Variants in CHST8 observed in about 807,000 individuals in gnomAD.
CHST8 encodes carbohydrate sulfotransferase 8, also known as GALNAC-4-ST1.
In CHST8, 10 loss-of-function variants were observed where a neutral mutation model predicts 15.0. That is an observed-to-expected ratio of 0.67 (90% CI 0.41 to 1.13). CHST8 has a LOEUF of 1.13. Among genes scored for constraint, CHST8 ranks in the 50% most tolerant of loss-of-function variants. The pLI is 0.00. For synonymous variants in CHST8, 259 were observed against 256.6 expected (o/e 1.01, Z -0.09); for missense variants, 634 against 608.2 (o/e 1.04, Z -0.45).
intron 2 of CHST8, among the ~76,000 whole-genome samples, chr19:33,683,652 C>T (rs2145248314): frequency 6.6e-6 from 1 of 152,332 alleles, no homozygotes; most frequent in East Asian, 1.9e-4. Context: ...CCAAACACTT[C>T]CATCTATTAA....
intron 3 of CHST8, among the ~76,000 whole-genome samples, chr19:33,758,731 G>A (rs1974656544): frequency 6.6e-6 from 1 of 152,234 alleles, no homozygotes; most frequent in Non-Finnish European, 1.5e-5. Context: ...TGCCCCTGGA[G>A]GGCCTGTCTC....
chr19:33,679,322 C>T (rs1008551766), intron 2 of CHST8, among the ~76,000 whole-genome samples: 6 of 152,228 alleles, frequency 3.9e-5, no homozygotes, highest in African/African-American at 1.4e-4. Context: ...CTGGCCATGC[C>T]GCATCCTACA....
intron 2 of CHST8, among the ~76,000 whole-genome samples, chr19:33,683,574 C>G (rs2145248173): frequency 6.6e-6 from 1 of 152,324 alleles, no homozygotes; most frequent in East Asian, 1.9e-4. Flanking sequence ...AACAAACCCT[C>G]AGCTCCCTGA....
intron 3 of CHST8, among the ~76,000 whole-genome samples, chr19:33,714,325 A>G (rs373135298): frequency 8.4e-4 from 128 of 152,266 alleles, no homozygotes; most frequent in African/African-American, 2.9e-3. Context: ...CAGCCATAAA[A>G]AAAGAATGAA....
At chr19:33,637,006 G>T (rs1175321876) in intron 1 of CHST8, among the ~76,000 whole-genome samples, 1 of 152,168 alleles carries the variant, frequency 6.6e-6, no homozygotes, top group East Asian at 1.9e-4. Flanking sequence ...TTGATGATAC[G>T]CAAAACAAGG....
chr19:33,757,596 GAAA>G lies in CHST8; in HGVS notation c.131-13816_131-13814del, dbSNP rs1568359140. Among the ~76,000 whole-genome samples the G allele has an allele frequency of 3.2e-4, 46 of 142,706 alleles. 6 individuals carry two copies. Among genetic ancestry groups the G allele is most frequent in the African/African-American group, 1.0e-3 (39 of 38,378 alleles). 93.6% of individuals were successfully genotyped at this position (142,706 alleles called of 152,430 possible). A position where few individuals can be genotyped will look rare whatever the true frequency, so the allele number is the denominator to read the frequency against. On this transcript the variant is annotated intron_variant, in intron 3 of 4. Coordinates refer to ENST00000650847, the MANE Select transcript of CHST8 (RefSeq NM_001127895.2). Reference sequence around the variant, plus strand: ...AGAAAGAAAGAAAGAAAGAAAGAAAGAAAGAAAGAGCCGGCCATTCAGAAGGGA... The same window carrying G: ...AGAAAGAAAGAAAGAAAGAAAGAAAGGAAAGAGCCGGCCATTCAGAAGGGA...
chr19:33,691,837 G>A (rs118158898), intron 3 of CHST8, among the ~76,000 whole-genome samples: 2,327 of 152,302 alleles, frequency 0.015, 32 homozygotes, highest in Non-Finnish European at 0.024. Flanking sequence ...TGGGGTGGAG[G>A]GCTGGGAGTG....
At chr19:33,761,024 C>T (rs989707013) in intron 3 of CHST8, among the ~76,000 whole-genome samples, 1 of 152,192 alleles carries the variant, frequency 6.6e-6, no homozygotes, top group East Asian at 1.9e-4. Context: ...GATCATTCCG[C>T]GTGGTGTACT....
At chr19:33,674,895 G>A (rs1972789879) in intron 2 of CHST8, among the ~76,000 whole-genome samples, 1 of 152,236 alleles carries the variant, frequency 6.6e-6, no homozygotes, top group Non-Finnish European at 1.5e-5. Flanking sequence ...TGTTCTGGCT[G>A]TAGCTGGACT....
Position 33,756,322 on chromosome 19 carries a change from G to A in CHST8, c.131-15091G>A, listed in dbSNP as rs542819261. 3.3e-5 allele frequency among the ~76,000 whole-genome samples: 5 copies of A among 152,310 alleles called. No homozygotes were observed. In the South Asian group the frequency reaches 6.2e-4, roughly 19 times the overall value. ...GCCTGTTTGAAGGATGCTGGAAGTC[G>A]CGGGCCTAGGTTGCATGGTGTGTGT... On this transcript the variant is annotated intron_variant, in intron 3 of 4. Coordinates refer to ENST00000650847, the MANE Select transcript of CHST8 (RefSeq NM_001127895.2).
intron 3 of CHST8, among the ~76,000 whole-genome samples, chr19:33,725,741 G>C (rs1209186920): frequency 1.3e-5 from 2 of 152,256 alleles, no homozygotes; most frequent in Non-Finnish European, 1.5e-5. Flanking sequence ...CAAGAGAACA[G>C]AGCTGGAGGC....
At chr19:33,744,843 G>A (rs928359226) in intron 3 of CHST8, among the ~76,000 whole-genome samples, 3 of 152,158 alleles carry the variant, frequency 2.0e-5, no homozygotes, top group East Asian at 1.9e-4. Flanking sequence ...CCACCTCCCG[G>A]GTTCAAGCAA....
intron 3 of CHST8, among the ~76,000 whole-genome samples, chr19:33,692,136 AC>A (rs745576508): frequency 1.5e-5 from 2 of 134,508 alleles, no homozygotes; most frequent in Non-Finnish European, 3.3e-5. Context: ...TGTAAATCAA[AC>A]CACATTTTAA....
chr19:33,715,107 C>T (rs1233389431), intron 3 of CHST8, among the ~76,000 whole-genome samples: 1 of 152,220 alleles, frequency 6.6e-6, no homozygotes, highest in African/African-American at 2.4e-5. Context: ...GCCCTCCAAG[C>T]TTCTCCAGAC....
In CHST8 at chr19:33,744,659, G is replaced by A. The variant is rs542955000; in HGVS notation, c.131-26754G>A. Reference sequence around the variant, plus strand: ...CACTGCAGCCTCGAATGAACTCTTCGGCTCAAGCAATCCTTCCACCTCAGC... The same window carrying A: ...CACTGCAGCCTCGAATGAACTCTTCAGCTCAAGCAATCCTTCCACCTCAGC... On this transcript the variant is annotated intron_variant, in intron 3 of 4. Coordinates refer to ENST00000650847, the MANE Select transcript of CHST8 (RefSeq NM_001127895.2). Among the ~76,000 whole-genome samples, 9 of 152,120 alleles carry A rather than the reference G, an allele frequency of 5.9e-5. No individual in the cohort carries two copies. In the South Asian group the frequency reaches 1.7e-3, roughly 28 times the overall value.
intron 1 of CHST8, among the ~76,000 whole-genome samples, chr19:33,629,205 G>A (rs374611608): frequency 4.6e-5 from 7 of 152,154 alleles, no homozygotes; most frequent in African/African-American, 1.4e-4. Flanking sequence ...ACTGTGGCTC[G>A]GATGCCCACT....
chr19:33,704,182 A>T (rs1271950982), intron 3 of CHST8, among the ~76,000 whole-genome samples: 1 of 152,170 alleles, frequency 6.6e-6, no homozygotes, highest in Non-Finnish European at 1.5e-5. Context: ...TGCAGGGATG[A>T]TGATCCGTGA....
intron 3 of CHST8, among the ~76,000 whole-genome samples, chr19:33,730,541 T>C (rs576651956): frequency 6.6e-6 from 1 of 152,314 alleles, no homozygotes; most frequent in African/African-American, 2.4e-5. Context: ...TCGAGTTCAT[T>C]GGATGTGTTA....
intron 3 of CHST8, among the ~76,000 whole-genome samples, chr19:33,757,499 A>G (rs1974602864): frequency 2.0e-5 from 1 of 50,142 alleles, no homozygotes; most frequent in Non-Finnish European, 4.2e-5. Context: ...AGAAAGAAAG[A>G]AAGAAAGAAA....
Sources: gnomAD v4.1 joint callset for allele counts (sites outside exome capture counted in the v4.1 genomes callset) on GRCh38, gnomAD v4.1.1 for gene constraint, MANE v1.5 for transcripts, NCBI Gene and HGNC (gene_info 2026-07-23, HGNC 2026-07-21) for gene names.